Variants in CRHR2 observed in about 807,000 individuals in gnomAD.
The protein encoded by CRHR2 is corticotropin-releasing hormone receptor 2.
A neutral mutation model predicts 57.9 loss-of-function variants in CRHR2; 53 were observed. The observed-to-expected ratio is 0.92, with a 90% CI of 0.73 to 1.15. CRHR2 has a LOEUF of 1.15. Among genes scored for constraint, CRHR2 ranks in the 50% most tolerant of loss-of-function variants. The pLI is 0.00. For missense variants in CRHR2, 532 were observed against 542.6 expected (o/e 0.98, Z 0.19); for synonymous variants, 213 against 220.9 (o/e 0.96, Z 0.32).
chr7:30,668,657 G>C (rs1339387587), intron 2 of CRHR2, among the ~76,000 whole-genome samples: 2 of 152,212 alleles, frequency 1.3e-5, no homozygotes, highest in East Asian at 3.9e-4. Context: ...TTGGGAAGGA[G>C]CACTTGCCGA....
intron 8 of CRHR2, among the ~76,000 whole-genome samples, chr7:30,659,648 A>G (rs41357850): frequency 1.1e-3 from 164 of 152,368 alleles, no homozygotes; most frequent in African/African-American, 3.6e-3. Flanking sequence ...GTTCACATAT[A>G]TCAAGGACAC....
chr7:30,676,254 C>A (rs1382603514), intron 2 of CRHR2, among the ~76,000 whole-genome samples: 4 of 152,218 alleles, frequency 2.6e-5, no homozygotes, highest in Non-Finnish European at 5.9e-5. Flanking sequence ...TCTCTTCCTT[C>A]CTTCTTTTCT....
intron 11 of CRHR2, chr7:30,654,588 C>T: frequency 4.8e-6 from 6 of 1,255,696 alleles, no homozygotes; most frequent in Non-Finnish European, 6.5e-6. Flanking sequence ...ACATGCCAAG[C>T]TTCACGGCCG....
chr7:30,654,415 CAG>C (rs1372837322), intron 11 of CRHR2, among the ~76,000 whole-genome samples: 1 of 152,186 alleles, frequency 6.6e-6, no homozygotes. Context: ...GTGCCCTGTG[CAG>C]AGACAGGCAA....
rs569607645 is a variant in CRHR2, at chr7:30,662,700, C to T, written c.691G>A (p.Gly231Arg). ...CTGCCCCTGGGACCCTCACACCATC[C>T]GATGAAGAGGAAGAGGCACTTGCGC... The part of the protein sequence containing the change: ...RLRKCLFLFI[G>R]WCIPFPIIVA... Residue 231 changes from glycine to arginine, a missense_variant, in exon 6 of 12, where the codon GGA (glycine) becomes AGA (arginine). Coordinates refer to ENST00000471646, the MANE Select transcript of CRHR2 (RefSeq NM_001883.5). 54 of 1,613,564 alleles carry T rather than the reference C, an allele frequency of 3.3e-5. 1 individual carries two copies. The East Asian group carries it at 4.9e-4, about 15-fold the overall frequency.
chr7:30,661,620 T>C (rs1245002062), intron 7 of CRHR2, among the ~76,000 whole-genome samples: 1 of 152,202 alleles, frequency 6.6e-6, no homozygotes, highest in Non-Finnish European at 1.5e-5. Context: ...GACACCTGAC[T>C]TTCTGGCTGC....
intron 1 of CRHR2, among the ~76,000 whole-genome samples, chr7:30,697,461 C>T (rs893660375): frequency 1.3e-5 from 2 of 152,134 alleles, no homozygotes; most frequent in African/African-American, 4.8e-5. Context: ...TTGAGTAAGG[C>T]GCCTAACACC....
intron 2 of CRHR2, 21 bp downstream of exon 2, chr7:30,681,894 G>A (rs771848006): frequency 5.0e-6 from 8 of 1,604,536 alleles, no homozygotes; most frequent in Non-Finnish European, 6.8e-6. Flanking sequence ...AGAGCAGGCA[G>A]CGAGGGCCGG....
chr7:30,655,505 C>A, intron 10 of CRHR2, 75 bp downstream of exon 10: 9 of 1,540,166 alleles, frequency 5.8e-6, no homozygotes, highest in Non-Finnish European at 7.9e-6. Context: ...ACGGGACCCC[C>A]TTAGTGAGGG....
intron 1 of CRHR2, among the ~76,000 whole-genome samples, chr7:30,689,865 C>T (rs564136206): frequency 2.6e-5 from 4 of 152,280 alleles, no homozygotes; most frequent in African/African-American, 9.6e-5. Flanking sequence ...AAGTGCCTAA[C>T]CTGGATTCAG....
At chr7:30,663,854 G>A (rs553521366) in intron 5 of CRHR2, among the ~76,000 whole-genome samples, 9 of 152,350 alleles carry the variant, frequency 5.9e-5, no homozygotes, top group South Asian at 2.1e-4. Context: ...GGAGCTGTGC[G>A]TCAGGGGCTC....
chr7:30,681,794 G>A lies in CRHR2; in HGVS notation c.229+121C>T, dbSNP rs41325144. The stretch of plus-strand genomic sequence containing the variant: ...ACTGTAAGGGGTCCTTAACGCCCGC[G>A]GTCCGCGGTACCGCGGCCGTCAGCA... On this transcript the variant is annotated intron_variant, in intron 2 of 11. Coordinates refer to ENST00000471646, the MANE Select transcript of CRHR2 (RefSeq NM_001883.5). 55 of 1,399,592 alleles carry A rather than the reference G, an allele frequency of 3.9e-5. No individual in the cohort carries two copies. In the African/African-American group the frequency reaches 7.3e-4, roughly 18 times the overall value. 86.7% of individuals were successfully genotyped at this position (1,399,592 alleles called of 1,614,324 possible).
rs985281213 is a variant in CRHR2, at chr7:30,665,989, T to A, written c.316-350A>T. Among the ~76,000 whole-genome samples the A allele has an allele frequency of 2.6e-5, 4 of 152,154 alleles. No individual in the cohort carries two copies. Among genetic ancestry groups the A allele is most frequent in the Non-Finnish European group, 5.9e-5 (4 of 68,022 alleles). ...AATCCTCCCACCTCAGCCTCTGAAGTAGCTGGGACTACAGACAAGTGCCAC... is the reference window on the plus strand; with the variant it reads ...AATCCTCCCACCTCAGCCTCTGAAGAAGCTGGGACTACAGACAAGTGCCAC... On this transcript the variant is annotated intron_variant, in intron 3 of 11. Transcript: ENST00000471646. The surrounding 1 kb of genome is among the most constrained non-coding windows in gnomAD (Gnocchi z 4.5).
chr7:30,672,147 T>C (rs1246648812), intron 2 of CRHR2, among the ~76,000 whole-genome samples: 1 of 152,224 alleles, frequency 6.6e-6, no homozygotes, highest in Non-Finnish European at 1.5e-5. Context: ...GCCCAGCCCA[T>C]TGAGGTCAAG....
intron 2 of CRHR2, among the ~76,000 whole-genome samples, chr7:30,671,393 A>G (rs1784347465): frequency 1.3e-5 from 2 of 152,136 alleles, no homozygotes; most frequent in South Asian, 4.1e-4. Context: ...TTTTGGTGGT[A>G]GTTTTGGGGG....
At chr7:30,654,738 T>C (rs1783711678) in intron 11 of CRHR2, 1 of 1,536,170 alleles carries the variant, frequency 6.5e-7, no homozygotes, top group Non-Finnish European at 8.7e-7. Context: ...AGCTTCCTTC[T>C]GTCACCACCT....
chr7:30,684,689 G>A (rs1313485203), upstream of CRHR2, among the ~76,000 whole-genome samples: 1 of 152,204 alleles, frequency 6.6e-6, no homozygotes, highest in Non-Finnish European at 1.5e-5. Flanking sequence ...GAGGTCCCCT[G>A]GATGTGGGGC....
exon 1 of CRHR2, chr7:30,700,081 G>T: frequency 7.8e-7 from 1 of 1,275,266 alleles, no homozygotes; most frequent in Non-Finnish European, 1.0e-6. Context: ...GCCCAGCACG[G>T]TGGTCACACC....
intron 1 of CRHR2, among the ~76,000 whole-genome samples, chr7:30,695,538 A>G (rs543617317): frequency 9.1e-4 from 138 of 151,802 alleles, no homozygotes; most frequent in African/African-American, 3.1e-3. Flanking sequence ...TGACTGGAGT[A>G]GGAGGGGGAA....
Sources: allele counts gnomAD v4.1 joint callset (sites outside exome capture counted in the v4.1 genomes callset), GRCh38; gene constraint gnomAD v4.1.1; non-coding constraint Gnocchi (gnomAD v3.1); transcripts MANE v1.5; gene names NCBI Gene and HGNC (gene_info 2026-07-23, HGNC 2026-07-21).